Variants in CDH13 observed in about 807,000 individuals in gnomAD.
CDH13 encodes the protein cadherin 13.
A neutral mutation model predicts 63.8 loss-of-function variants in CDH13; 24 were observed. The ratio of observed to expected loss-of-function variants is 0.38; its 90% confidence interval spans 0.27 to 0.53. CDH13 has a LOEUF of 0.53. Ranked by LOEUF, CDH13 falls within the 20% of genes least tolerant of loss-of-function variation. The pLI is 0.85. For synonymous variants in CDH13, 503 were observed against 355.3 expected (o/e 1.42, Z -4.67); for missense variants, 1,049 against 903.1 (o/e 1.16, Z -2.07).
At chr16:82,848,293 T>C (rs186537228) in intron 1 of CDH13, among the ~76,000 whole-genome samples, 3 of 152,278 alleles carry the variant, frequency 2.0e-5, no homozygotes, top group Admixed American at 1.3e-4. Context: ...ATTACATTGT[T>C]GGAGCAATGC....
rs555099091 is a variant in CDH13 at position 83,565,715 on chromosome 16, G to C, written c.961-36739G>C. Among the ~76,000 whole-genome samples the C allele has an allele frequency of 4.6e-5, 7 of 151,110 alleles. No individual in the cohort carries two copies. The South Asian group carries it at 1.5e-3, about 32-fold the overall frequency. ...CTTTTAACTGATTTATTCTTTTCAG[G>C]CTTATGACTTTTCTTTTGTGATAAC... On this transcript the variant is annotated intron_variant, in intron 7 of 13. Coordinates refer to ENST00000567109, the MANE Select transcript of CDH13 (RefSeq NM_001257.5).
chr16:83,155,086 C>CAGTCAAAT (rs1446185466), intron 4 of CDH13, among the ~76,000 whole-genome samples: 2 of 152,214 alleles, frequency 1.3e-5, no homozygotes, highest in Non-Finnish European at 2.9e-5. Context: ...TCTGTGGGAA[C>CAGTCAAAT]AGTCAAATTT....
chr16:83,673,384 C>T (rs1470024117), intron 9 of CDH13, among the ~76,000 whole-genome samples: 1 of 152,076 alleles, frequency 6.6e-6, no homozygotes, highest in African/African-American at 2.4e-5. Flanking sequence ...AGGAGTACTA[C>T]CCTCCTCGCT....
intron 6 of CDH13, among the ~76,000 whole-genome samples, chr16:83,431,664 T>A (rs1389898293): frequency 6.6e-6 from 1 of 152,080 alleles, no homozygotes; most frequent in Non-Finnish European, 1.5e-5. Flanking sequence ...GTATCTCACA[T>A]GGTGAGAGCA....
At chr16:83,030,765 G>T (rs1204626033) in intron 2 of CDH13, among the ~76,000 whole-genome samples, 1 of 149,604 alleles carries the variant, frequency 6.7e-6, no homozygotes, top group Non-Finnish European at 1.5e-5. Context: ...ACAACAAATC[G>T]TCCAGGGCTA....
intron 2 of CDH13, among the ~76,000 whole-genome samples, chr16:82,991,655 C>T (rs1486671107): frequency 1.3e-5 from 2 of 152,172 alleles, no homozygotes; most frequent in Non-Finnish European, 2.9e-5. Context: ...AAGTCATGAT[C>T]TGAAAGCATG....
intron 2 of CDH13, among the ~76,000 whole-genome samples, chr16:82,907,163 G>C (rs1460034254): frequency 1.3e-5 from 2 of 152,164 alleles, no homozygotes; most frequent in African/African-American, 4.8e-5. Flanking sequence ...AATGGGATCT[G>C]ATGATTGCCT....
At chr16:83,410,353 T>C (rs2092108160) in intron 6 of CDH13, among the ~76,000 whole-genome samples, 1 of 152,226 alleles carries the variant, frequency 6.6e-6, no homozygotes, top group South Asian at 2.1e-4. Context: ...CCTTTTTATC[T>C]CTTATACAGC....
intron 8 of CDH13, among the ~76,000 whole-genome samples, chr16:83,611,551 A>G (rs1013996250): frequency 2.7e-5 from 4 of 150,380 alleles, no homozygotes; most frequent in Non-Finnish European, 4.4e-5. Context: ...TTTTCCTTCT[A>G]TCTCTTTGGG....
At chr16:83,547,557 G>C (rs1198284034) in intron 7 of CDH13, among the ~76,000 whole-genome samples, 1 of 152,120 alleles carries the variant, frequency 6.6e-6, no homozygotes, top group Non-Finnish European at 1.5e-5. Context: ...GCAGTATTTG[G>C]TTTTCTGTTC....
intron 6 of CDH13, among the ~76,000 whole-genome samples, chr16:83,353,553 T>C (rs994871324): frequency 1.3e-5 from 2 of 152,282 alleles, no homozygotes; most frequent in Non-Finnish European, 2.9e-5. Flanking sequence ...TGTATGTTTC[T>C]TCTTTAATGT....
intron 6 of CDH13, among the ~76,000 whole-genome samples, chr16:83,477,407 G>C (rs934454230): frequency 6.6e-6 from 1 of 152,204 alleles, no homozygotes. Flanking sequence ...ACTTAGGACT[G>C]TTTTTAAATG....
chr16:82,761,017 C>CCTTTTTTTTTTTTT (rs2034819962), intron 1 of CDH13, among the ~76,000 whole-genome samples: 1 of 40,452 alleles, frequency 2.5e-5, no homozygotes, highest in Non-Finnish European at 4.6e-5. Flanking sequence ...TTCTTTCTTT[C>CCTTTTTTTTTTTTT]TTTTTTTTTT....
At chr16:83,131,199 C>CAG (rs1567860069) in intron 4 of CDH13, among the ~76,000 whole-genome samples, 1 of 104,344 alleles carries the variant, frequency 9.6e-6, no homozygotes, top group South Asian at 4.0e-4. Context: ...CCCCCCCCCC[C>CAG]CCGCCCACAG....
At chr16:83,528,614 G>A (rs1390537562) in intron 7 of CDH13, among the ~76,000 whole-genome samples, 1 of 152,132 alleles carries the variant, frequency 6.6e-6, no homozygotes, top group East Asian at 1.9e-4. Flanking sequence ...TAGATCATCT[G>A]TCTCTAAATT....
intron 6 of CDH13, among the ~76,000 whole-genome samples, chr16:83,445,821 C>T (rs1482074370): frequency 6.6e-6 from 1 of 152,038 alleles, no homozygotes; most frequent in Non-Finnish European, 1.5e-5. Context: ...CTCGGAGTTC[C>T]CAGTCTTCCT....
intron 1 of CDH13, among the ~76,000 whole-genome samples, chr16:82,690,683 T>G (rs969362297): frequency 5.3e-5 from 8 of 152,216 alleles, no homozygotes; most frequent in African/African-American, 1.9e-4. Context: ...TACTGTGCTC[T>G]GGAAGCCACT....
intron 4 of CDH13, chr16:83,181,045 C>G: frequency 6.7e-7 from 1 of 1,486,662 alleles, no homozygotes. Flanking sequence ...ATTTCAAATC[C>G]ATTTTCTCTA....
intron 7 of CDH13, among the ~76,000 whole-genome samples, chr16:83,488,968 G>C (rs1032844926): frequency 6.6e-6 from 1 of 152,030 alleles, no homozygotes; most frequent in Non-Finnish European, 1.5e-5. Flanking sequence ...TTCTTTTGGA[G>C]GCCAGTGATG....
Sources: gnomAD v4.1 joint callset for allele counts (sites outside exome capture counted in the v4.1 genomes callset) on GRCh38, gnomAD v4.1.1 for gene constraint, MANE v1.5 for transcripts, NCBI Gene and HGNC (gene_info 2026-07-23, HGNC 2026-07-21) for gene names.